FTCDNL1: variants seen among roughly 807,000 people sequenced by gnomAD.
FTCDNL1 encodes the protein formiminotransferase cyclodeaminase N-terminal like, also known as formiminotransferase N-terminal subdomain-containing protein.
Under a neutral mutation model 5.9 loss-of-function variants are expected in FTCDNL1, and 11 were observed. The ratio of observed to expected loss-of-function variants is 1.87; its 90% CI spans 1.18 to 3.10. The LOEUF (loss-of-function observed/expected upper bound fraction) is 3.10. FTCDNL1 is among the 30% of genes most tolerant of loss of function. FTCDNL1 has a pLI of 0.00. For missense variants in FTCDNL1, 115 were observed against 65.5 expected, an observed-to-expected ratio of 1.76 and a Z score of -2.61; for synonymous variants, 58 against 24.8, an observed-to-expected ratio of 2.34 and a Z score of -3.99.
At chr2:199,784,893 CA>C (rs1428833362) in intron 3 of FTCDNL1, among the ~76,000 whole-genome samples, 1 of 152,340 alleles carries the variant, frequency 6.6e-6, no homozygotes, top group African/African-American at 2.4e-5. Context: ...AAGACTCCAT[CA>C]AAGTGGGATT....
intron 3 of FTCDNL1, among the ~76,000 whole-genome samples, chr2:199,779,837 A>G (rs543127437): frequency 1.7e-4 from 26 of 152,280 alleles, no homozygotes; most frequent in African/African-American, 6.3e-4. Context: ...CTCGCTCCTA[A>G]GAAGAGCTCA....
the FTCDNL1 span, among the ~76,000 whole-genome samples, chr2:199,685,443 C>T: frequency 7.9e-5 from 12 of 152,126 alleles, no homozygotes; most frequent in Non-Finnish European, 1.3e-4. Context: ...ATCTTTACTT[C>T]GGACCCCATG....
At chr2:199,719,993 ATTT>A in the FTCDNL1 span, among the ~76,000 whole-genome samples, 1 of 152,068 alleles carries the variant, frequency 6.6e-6, no homozygotes, top group African/African-American at 2.4e-5. Flanking sequence ...GGTTAAACTT[ATTT>A]TTATGTATTT....
the FTCDNL1 span, among the ~76,000 whole-genome samples, chr2:199,749,335 A>G: frequency 1.2e-4 from 18 of 152,300 alleles, no homozygotes; most frequent in African/African-American, 4.1e-4. Context: ...CATGGCAGTG[A>G]GGTCTCTATG....
chr2:199,743,021 T>G, the FTCDNL1 span, among the ~76,000 whole-genome samples: 1 of 152,222 alleles, frequency 6.6e-6, no homozygotes, highest in Non-Finnish European at 1.5e-5. Flanking sequence ...CTTCAGGGGT[T>G]ACCTGGAGGG....
intron 3 of FTCDNL1, among the ~76,000 whole-genome samples, chr2:199,762,532 T>C (rs2106248426): frequency 6.6e-6 from 1 of 152,338 alleles, no homozygotes; most frequent in East Asian, 1.9e-4. Context: ...AACTGGGGTC[T>C]CTTCTGTCTT....
At chr2:199,776,968 G>A (rs868228716) in intron 3 of FTCDNL1, among the ~76,000 whole-genome samples, 2,927 of 134,418 alleles carry the variant, frequency 0.022, 171 homozygotes, top group Admixed American at 0.12. Flanking sequence ...ATGTGTGTGT[G>A]TGTGTGTGTG....
chr2:199,670,444 T>C, the FTCDNL1 span, among the ~76,000 whole-genome samples: 5 of 152,226 alleles, frequency 3.3e-5, no homozygotes, highest in Non-Finnish European at 5.9e-5. Context: ...GAATCAGTTT[T>C]GTCTAGGATC....
At chr2:199,744,278 T>TC in the FTCDNL1 span, among the ~76,000 whole-genome samples, 1 of 152,146 alleles carries the variant, frequency 6.6e-6, no homozygotes, top group East Asian at 1.9e-4. Flanking sequence ...ACCTGAACCC[T>TC]CAATGTGACT....
chr2:199,757,468 T>C (rs2106235197), downstream of FTCDNL1, among the ~76,000 whole-genome samples: 1 of 152,154 alleles, frequency 6.6e-6, no homozygotes, highest in South Asian at 2.1e-4. Context: ...TGCCAGAAAG[T>C]ACATAAAAGG....
At chr2:199,837,438 C>A (rs561016981) in intron 3 of FTCDNL1, among the ~76,000 whole-genome samples, 1 of 152,288 alleles carries the variant, frequency 6.6e-6, no homozygotes, top group South Asian at 2.1e-4. Context: ...AACCCAGCAT[C>A]TAAATTGACT....
chr2:199,784,467 G>C (rs1699534684), intron 3 of FTCDNL1, among the ~76,000 whole-genome samples: 1 of 152,296 alleles, frequency 6.6e-6, no homozygotes, highest in East Asian at 1.9e-4. Flanking sequence ...CCCTGTTGTA[G>C]ATCGTGTTCC....
At chr2:199,800,361 A>G (rs986177289) in intron 3 of FTCDNL1, among the ~76,000 whole-genome samples, 4 of 152,198 alleles carry the variant, frequency 2.6e-5, no homozygotes, top group Non-Finnish European at 1.5e-5. Context: ...TGTGAGAATT[A>G]AATAAAGTAA....
the FTCDNL1 span, among the ~76,000 whole-genome samples, chr2:199,753,655 G>A: frequency 1.3e-5 from 2 of 152,178 alleles, no homozygotes; most frequent in Admixed American, 6.5e-5. Flanking sequence ...GCTGGAAAAG[G>A]GACACCTGCA....
At chr2:199,793,373 G>C (rs1363498590) in intron 3 of FTCDNL1, among the ~76,000 whole-genome samples, 1 of 152,076 alleles carries the variant, frequency 6.6e-6, no homozygotes, top group South Asian at 2.1e-4. Context: ...AGGAGGGGGG[G>C]CATTACTTGA....
At chr2:199,723,150 CCTCT>C in the FTCDNL1 span, among the ~76,000 whole-genome samples, 9 of 151,952 alleles carry the variant, frequency 5.9e-5, no homozygotes, top group Admixed American at 2.0e-4. Context: ...TTGTTAATCC[CCTCT>C]CTGTGTCCAT....
the FTCDNL1 span, among the ~76,000 whole-genome samples, chr2:199,742,185 T>C: frequency 6.6e-6 from 1 of 152,090 alleles, no homozygotes; most frequent in South Asian, 2.1e-4. Flanking sequence ...CTAACCATTC[T>C]TTCAAATTCA....
the FTCDNL1 span, among the ~76,000 whole-genome samples, chr2:199,694,172 G>A: frequency 6.6e-6 from 1 of 152,192 alleles, no homozygotes; most frequent in Non-Finnish European, 1.5e-5. Context: ...CTCAGCCTGG[G>A]ACCCTGCACT....
At chr2:199,834,585 G>A (rs887707118) in intron 3 of FTCDNL1, among the ~76,000 whole-genome samples, 1 of 152,112 alleles carries the variant, frequency 6.6e-6, no homozygotes, top group Non-Finnish European at 1.5e-5. Flanking sequence ...TGACTGGCTG[G>A]GTTAGTCTAA....
Sources: gnomAD v4.1 joint callset for allele counts (sites outside exome capture counted in the v4.1 genomes callset) on GRCh38, gnomAD v4.1.1 for gene constraint, MANE v1.5 for transcripts, NCBI Gene and HGNC (gene_info 2026-07-23, HGNC 2026-07-21) for gene names.